The following VOPP1 variants were observed in gnomAD, a reference collection of about 807,000 sequenced individuals.
VOPP1 encodes WW domain binding protein VOPP1.
A neutral mutation model predicts 23.5 loss-of-function variants in VOPP1; 8 were observed. The observed-to-expected ratio is 0.34, with a 90% confidence interval of 0.20 to 0.61. VOPP1 has a LOEUF of 0.61. Among genes scored for constraint, VOPP1 ranks in the 20% least tolerant of loss-of-function variants. VOPP1 has a pLI of 0.78. For missense variants in VOPP1, 174 were observed against 238.1 expected (o/e 0.73, Z 1.77); for synonymous variants, 83 against 97.3 (o/e 0.85, Z 0.86).
At chr7:55,474,227 T>C (rs1792063202) in intron 4 of VOPP1, among the ~76,000 whole-genome samples, 1 of 152,242 alleles carries the variant, frequency 6.6e-6, no homozygotes, top group South Asian at 2.1e-4. Context: ...AGATGCCACC[T>C]GCGCTGCTCT....
chr7:55,555,965 G>T (rs1393578468), intron 1 of VOPP1, among the ~76,000 whole-genome samples: 1 of 152,108 alleles, frequency 6.6e-6, no homozygotes, highest in Non-Finnish European at 1.5e-5. Flanking sequence ...TTTTCCATGT[G>T]TTCTAAGATG....
chr7:55,566,177 G>T (rs1798157893), intron 1 of VOPP1, among the ~76,000 whole-genome samples: 1 of 152,240 alleles, frequency 6.6e-6, no homozygotes, highest in Non-Finnish European at 1.5e-5. Context: ...GAAGCTGGAG[G>T]TGGGGGTGGT....
intron 1 of VOPP1, among the ~76,000 whole-genome samples, chr7:55,569,443 G>A (rs1241165188): frequency 6.6e-6 from 1 of 152,222 alleles, no homozygotes; most frequent in African/African-American, 2.4e-5. Context: ...TGTAGAGCAT[G>A]CAAATTCCTA....
chr7:55,473,620 G>A (rs1024530270), intron 4 of VOPP1, among the ~76,000 whole-genome samples: 1 of 152,204 alleles, frequency 6.6e-6, no homozygotes, highest in Non-Finnish European at 1.5e-5. Context: ...AGCAGGGCAC[G>A]GGGGCACCAC....
chr7:55,490,008 G>A (rs562656517), intron 4 of VOPP1, among the ~76,000 whole-genome samples: 3 of 152,162 alleles, frequency 2.0e-5, no homozygotes, highest in East Asian at 2.0e-4. Flanking sequence ...GCCTCAGTGC[G>A]ATGCAGGACT....
At chr7:55,500,942 C>G (rs917776641) in intron 2 of VOPP1, among the ~76,000 whole-genome samples, 14 of 152,186 alleles carry the variant, frequency 9.2e-5, no homozygotes, top group Non-Finnish European at 5.9e-5. Flanking sequence ...TCTATCCCCA[C>G]TTGATTTTCC....
intron 2 of VOPP1, among the ~76,000 whole-genome samples, chr7:55,509,445 T>C (rs1198706662): frequency 6.6e-6 from 1 of 152,182 alleles, no homozygotes; most frequent in African/African-American, 2.4e-5. Flanking sequence ...GGGAGCTCCC[T>C]GCAACCTCTT....
chr7:55,486,343 T>TA (rs1161483097), intron 4 of VOPP1, among the ~76,000 whole-genome samples: 1 of 152,194 alleles, frequency 6.6e-6, no homozygotes, highest in Non-Finnish European at 1.5e-5. Flanking sequence ...TTCACATGGA[T>TA]AAAAAAACAG....
chr7:55,542,614 G>A (rs1414104835), intron 1 of VOPP1, among the ~76,000 whole-genome samples: 3 of 152,034 alleles, frequency 2.0e-5, no homozygotes, highest in African/African-American at 7.2e-5. Flanking sequence ...ACATGGTGAA[G>A]GCCCGTCTCT....
chr7:55,461,595 T>C (rs550397221), intron 4 of VOPP1, among the ~76,000 whole-genome samples: 48 of 152,194 alleles, frequency 3.2e-4, no homozygotes, highest in Middle Eastern at 3.4e-3. Flanking sequence ...TTTTTGTATT[T>C]TTAGTAGAGA....
intron 1 of VOPP1, among the ~76,000 whole-genome samples, chr7:55,550,592 T>G (rs1160942579): frequency 2.0e-5 from 3 of 152,174 alleles, no homozygotes; most frequent in Non-Finnish European, 1.5e-5. Context: ...CATTTCAGCA[T>G]TCTTACAATA....
chr7:55,553,179 G>A (rs1266782344), intron 1 of VOPP1, among the ~76,000 whole-genome samples: 2 of 152,316 alleles, frequency 1.3e-5, no homozygotes, highest in African/African-American at 4.8e-5. Flanking sequence ...CAATATATGT[G>A]TTGCCCTAGC....
chr7:55,457,704 T>A (rs1036275785), intron 4 of VOPP1, among the ~76,000 whole-genome samples: 1 of 152,166 alleles, frequency 6.6e-6, no homozygotes, highest in Non-Finnish European at 1.5e-5. Flanking sequence ...ATTTCCCTGA[T>A]GGCTAGTGAT....
At chr7:55,565,095 A>G (rs1273580399) in intron 1 of VOPP1, among the ~76,000 whole-genome samples, 1 of 152,166 alleles carries the variant, frequency 6.6e-6, no homozygotes, top group Admixed American at 6.5e-5. Context: ...TTATATATAT[A>G]TGTATTAGTC....
intron 1 of VOPP1, among the ~76,000 whole-genome samples, chr7:55,536,252 G>A (rs984530448): frequency 6.6e-6 from 1 of 152,220 alleles, no homozygotes; most frequent in African/African-American, 2.4e-5. Context: ...AGCAAGGCCG[G>A]GCGTGGTGGC....
At chr7:55,548,023 C>T (rs1797442618) in intron 1 of VOPP1, among the ~76,000 whole-genome samples, 1 of 152,194 alleles carries the variant, frequency 6.6e-6, no homozygotes, top group Non-Finnish European at 1.5e-5. Flanking sequence ...ACCCCGACAG[C>T]CACCTAAGAC....
intron 1 of VOPP1, among the ~76,000 whole-genome samples, chr7:55,558,527 GC>G (rs777256227): frequency 2.0e-5 from 3 of 152,106 alleles, no homozygotes; most frequent in Non-Finnish European, 4.4e-5. Context: ...GACAGATGAT[GC>G]TTTAATCGGG....
chr7:55,501,520 G>C (rs1305224198), intron 2 of VOPP1, among the ~76,000 whole-genome samples: 1 of 152,196 alleles, frequency 6.6e-6, no homozygotes, highest in Non-Finnish European at 1.5e-5. Flanking sequence ...GTCACTTTCT[G>C]CTGTTAACAG....
chr7:55,471,436 G>C lies in VOPP1; in HGVS notation c.*1419C>G, dbSNP rs1348699832. ...TTCCATGAGATGTCTTGATGCTCCA[G>C]TTCAATGAGTAACAATTTCTCAAGA... On this transcript the variant is annotated 3_prime_UTR_variant, in exon 5 of 5. Coordinates refer to ENST00000285279, the MANE Select transcript of VOPP1 (RefSeq NM_030796.5). 2 of 152,262 alleles carry C rather than the reference G, an allele frequency of 1.3e-5. No homozygotes were observed. The highest frequency in any genetic ancestry group is 4.8e-5 in the African/African-American group (2 of 41,422). The allele number at this position is 152,262 out of a possible 1,614,324, so 9.4% of individuals were successfully genotyped here.
Sources: allele counts gnomAD v4.1 joint callset (sites outside exome capture counted in the v4.1 genomes callset), GRCh38; gene constraint gnomAD v4.1.1; transcripts MANE v1.5; gene names NCBI Gene and HGNC (gene_info 2026-07-23, HGNC 2026-07-21).